CCSER1: variants seen among roughly 807,000 people sequenced by gnomAD.
CCSER1 encodes the protein coiled-coil serine rich protein 1.
CCSER1 carries 41 observed loss-of-function variants against 82.0 expected under a neutral mutation model. The observed-to-expected ratio is 0.50, with a 90% confidence interval of 0.39 to 0.65. CCSER1 has a LOEUF of 0.65. Among genes scored for constraint, CCSER1 ranks in the 30% least tolerant of loss-of-function variants. The pLI, the probability that CCSER1 is intolerant of heterozygous loss-of-function variation, is 0.00. For missense variants in CCSER1, 1,119 were observed against 1,064.2 expected (o/e 1.05, Z -0.72); for synonymous variants, 414 against 383.9 (o/e 1.08, Z -0.92).
At chr4:91,490,927 T>TATAA (rs1560712521) in intron 10 of CCSER1, among the ~76,000 whole-genome samples, 7 of 82,912 alleles carry the variant, frequency 8.4e-5, no homozygotes, top group South Asian at 4.0e-4. Context: ...TATATATATA[T>TATAA]AAAATATGCG....
intron 10 of CCSER1, among the ~76,000 whole-genome samples, chr4:91,376,522 T>A (rs1348924301): frequency 2.6e-5 from 4 of 152,160 alleles, no homozygotes; most frequent in Admixed American, 6.6e-5. Flanking sequence ...GGCACATGAT[T>A]GTACATAAAC....
chr4:90,223,529 C>T (rs889553896), intron 1 of CCSER1, among the ~76,000 whole-genome samples: 1 of 152,110 alleles, frequency 6.6e-6, no homozygotes, highest in African/African-American at 2.4e-5. Flanking sequence ...TTCATGTGGA[C>T]ATTGATCATT....
At position 90,791,830 on chromosome 4, in the gene CCSER1, A is replaced by C. The variant is rs537497919; in HGVS notation, c.2011-23932A>C. 1.0e-2 allele frequency among the ~76,000 whole-genome samples: 1,462 copies of C among 146,482 alleles called. 16 individuals carry two copies. Among genetic ancestry groups the C allele is most frequent in the Middle Eastern group, 0.024 (7 of 286 alleles). ...CAGCGAGACTGTCTCAAAAAAAAAA[A>C]AAACACACACACACACACGTTTATA... On this transcript the variant is annotated intron_variant, in intron 7 of 10. Transcript: ENST00000509176.
chr4:90,583,800 A>G (rs984180676), intron 5 of CCSER1, among the ~76,000 whole-genome samples: 2 of 151,970 alleles, frequency 1.3e-5, no homozygotes, highest in Non-Finnish European at 2.9e-5. Flanking sequence ...CAAGGAAAAA[A>G]ACTGATTTTT....
At chr4:90,576,394 T>C (rs1780774517) in intron 5 of CCSER1, among the ~76,000 whole-genome samples, 1 of 152,144 alleles carries the variant, frequency 6.6e-6, no homozygotes, top group South Asian at 2.1e-4. Context: ...CCAAAGTACA[T>C]AGTTTACATT....
At chr4:91,325,272 A>G in intron 10 of CCSER1, 1 of 408,244 alleles carries the variant, frequency 2.4e-6, no homozygotes, top group Non-Finnish European at 4.8e-6. Flanking sequence ...CAGGAAGAAG[A>G]AAGAAGAGTT....
At chr4:90,761,351 C>T (rs77460506) in intron 7 of CCSER1, among the ~76,000 whole-genome samples, 19,615 of 152,026 alleles carry the variant, frequency 0.13, 1,583 homozygotes, top group Non-Finnish European at 0.17. Context: ...GGAATTTAAA[C>T]AGGTGTTCTT....
chr4:90,151,905 T>C (rs920454038), intron 1 of CCSER1, among the ~76,000 whole-genome samples: 1 of 152,162 alleles, frequency 6.6e-6, no homozygotes. Context: ...AAATGTACTA[T>C]AGATGCTAAT....
chr4:91,297,835 G>A (rs906867983), intron 10 of CCSER1, among the ~76,000 whole-genome samples: 2 of 151,988 alleles, frequency 1.3e-5, no homozygotes, highest in African/African-American at 4.8e-5. Context: ...GGGTACTTGA[G>A]GAAAAGTGGT....
At chr4:90,960,465 T>C (rs150767334) in intron 9 of CCSER1, among the ~76,000 whole-genome samples, 1 of 152,298 alleles carries the variant, frequency 6.6e-6, no homozygotes, top group East Asian at 1.9e-4. Context: ...CATCATTAGG[T>C]TCAGGCTTCT....
At chr4:90,730,690 C>T (rs1176402700) in intron 7 of CCSER1, among the ~76,000 whole-genome samples, 1 of 152,028 alleles carries the variant, frequency 6.6e-6, no homozygotes, top group African/African-American at 2.4e-5. Flanking sequence ...CTAAGGAAGA[C>T]CACTTTGATT....
At chr4:90,259,208 T>G (rs1462255799) in intron 1 of CCSER1, among the ~76,000 whole-genome samples, 1 of 152,146 alleles carries the variant, frequency 6.6e-6, no homozygotes, top group Non-Finnish European at 1.5e-5. Flanking sequence ...TTAAGTATAT[T>G]CCTAGGTATT....
chr4:90,551,442 G>C (rs1244614988), intron 5 of CCSER1, among the ~76,000 whole-genome samples: 1 of 151,838 alleles, frequency 6.6e-6, no homozygotes, highest in African/African-American at 2.4e-5. Context: ...TTTTCTATCA[G>C]CCACAGTACT....
intron 7 of CCSER1, among the ~76,000 whole-genome samples, chr4:90,727,454 A>T: frequency 6.6e-6 from 1 of 152,162 alleles, no homozygotes; most frequent in East Asian, 1.9e-4. Context: ...GATGTTGTTA[A>T]TTTTAATGTG....
chr4:90,392,649 A>C (rs191532380), intron 3 of CCSER1, among the ~76,000 whole-genome samples: 185 of 151,638 alleles, frequency 1.2e-3, no homozygotes, highest in African/African-American at 4.4e-3. Context: ...TCATATTTGC[A>C]AAATATATGT....
intron 7 of CCSER1, among the ~76,000 whole-genome samples, chr4:90,806,955 C>A (rs1447877844): frequency 6.6e-6 from 1 of 151,522 alleles, no homozygotes; most frequent in East Asian, 1.9e-4. Flanking sequence ...GGAGAACCAA[C>A]TTGTGACATT....
chr4:90,491,371 A>T (rs1398883927), intron 5 of CCSER1, among the ~76,000 whole-genome samples: 8 of 152,204 alleles, frequency 5.3e-5, no homozygotes, highest in Non-Finnish European at 1.2e-4. Context: ...TTGATTTTAT[A>T]TCCTGAGACT....
intron 1 of CCSER1, among the ~76,000 whole-genome samples, chr4:90,243,083 A>ATTTTTTT (rs1720695537): frequency 8.1e-6 from 1 of 123,856 alleles, no homozygotes; most frequent in African/African-American, 3.8e-5. Context: ...TTTTTTTTTA[A>ATTTTTTT]AATAGGATCT....
intron 1 of CCSER1, among the ~76,000 whole-genome samples, chr4:90,202,813 A>T (rs1220208515): frequency 2.0e-5 from 3 of 152,178 alleles, no homozygotes; most frequent in Non-Finnish European, 1.5e-5. Context: ...CTTTCTTCTC[A>T]TTTATAGAAA....
Sources: gnomAD v4.1 joint callset for allele counts (sites outside exome capture counted in the v4.1 genomes callset) on GRCh38, gnomAD v4.1.1 for gene constraint, MANE v1.5 for transcripts, NCBI Gene and HGNC (gene_info 2026-07-23, HGNC 2026-07-21) for gene names.